Variants in AKAP1 observed in about 807,000 individuals in gnomAD.
AKAP1 encodes the protein A-kinase anchoring protein 1.
Under a neutral mutation model 79.8 loss-of-function variants are expected in AKAP1, and 32 were observed. The ratio of observed to expected loss-of-function variants is 0.40; its 90% CI spans 0.30 to 0.54. The LOEUF (loss-of-function observed/expected upper bound fraction) is 0.54. Ranked by LOEUF, AKAP1 falls within the 20% of genes least tolerant of loss-of-function variation. AKAP1 has a pLI of 0.47. For synonymous variants in AKAP1, 416 were observed against 466.7 expected (o/e 0.89, Z 1.40); for missense variants, 961 against 1,138.9 (o/e 0.84, Z 2.25).
rs780885714 is a variant in AKAP1, at chr17:57,105,953, G to A, written c.489G>A (p.Glu163=). Reference sequence around the variant, plus strand: ...TACTATTCTCCAGCAAATCAGCTGAGGTGTGTAAGCAAGATTCCCCCTTCA... The same window carrying A: ...TACTATTCTCCAGCAAATCAGCTGAAGTGTGTAAGCAAGATTCCCCCTTCA... ...KGVLFSSKSA[E]VCKQDSPFSR... The change falls in exon 2 of 11, where the codon GAG becomes GAA. Residue 163 remains glutamate, a synonymous_variant. Transcript: ENST00000337714. 4.3e-6 allele frequency: 7 copies of A among 1,614,228 alleles called. No homozygotes were observed. The Admixed American group carries it at 8.3e-5, about 19-fold the overall frequency.
chr17:57,107,391 T>C (rs951287333), intron 2 of AKAP1, among the ~76,000 whole-genome samples: 6 of 152,210 alleles, frequency 3.9e-5, no homozygotes, highest in Admixed American at 3.9e-4. Flanking sequence ...ATGGGAGCTG[T>C]AACTTGGTTC....
At chr17:57,120,188 T>A in intron 10 of AKAP1, 62 bp from the exon 11 acceptor site, 1 of 1,518,942 alleles carries the variant, frequency 6.6e-7, no homozygotes, top group Admixed American at 1.9e-5. Flanking sequence ...GAACTCATGT[T>A]GGCTAGGGAG....
intron 1 of AKAP1, chr17:57,092,120 A>G (rs3826296): frequency 0.31 from 47,206 of 152,146 alleles, 9,220 homozygotes; most frequent in Admixed American, 0.41. Flanking sequence ...AAATGCAAAC[A>G]TGAAAGGAGG....
intron 2 of AKAP1, 97 bp downstream of exon 2, chr17:57,107,275 C>A: frequency 6.7e-7 from 1 of 1,487,998 alleles, no homozygotes; most frequent in Non-Finnish European, 9.0e-7. Flanking sequence ...ACTTGTGCAG[C>A]AAAGTCATAG....
intron 8 of AKAP1, among the ~76,000 whole-genome samples, chr17:57,117,906 C>A (rs1488367304): frequency 1.3e-5 from 2 of 152,190 alleles, no homozygotes; most frequent in Non-Finnish European, 2.9e-5. Context: ...CCTTATTGGG[C>A]TGTGTGGCCA....
At position 57,092,792 on chromosome 17, in the gene AKAP1, G is replaced by A. The variant is rs562076422; in HGVS notation, c.-25+7394G>A. The A allele has an allele frequency of 1.1e-4, 17 of 152,310 alleles. 1 individual carries two copies. Among genetic ancestry groups the A allele is most frequent in the African/African-American group, 3.9e-4 (16 of 41,550 alleles). 9.4% of individuals were successfully genotyped at this position (152,310 alleles called of 1,614,324 possible). A position where few individuals can be genotyped will look rare whatever the true frequency, so the allele number is the denominator to read the frequency against. Reference sequence around the variant, plus strand: ...GGACCGTGTCCCTTGGGGTTCTTGCGAGTCCGACTGGCCTTCCGCGCAGTG... The same window carrying A: ...GGACCGTGTCCCTTGGGGTTCTTGCAAGTCCGACTGGCCTTCCGCGCAGTG... On this transcript the variant is annotated intron_variant, in intron 1 of 10. Transcript: ENST00000337714.
chr17:57,118,384 A>G lies in AKAP1; in HGVS notation c.2504A>G (p.Asp835Gly). The G allele has an allele frequency of 6.2e-7, 1 of 1,613,882 alleles. No individual in the cohort carries two copies. Among genetic ancestry groups the G allele is most frequent in the Middle Eastern group, 1.6e-4 (1 of 6,062 alleles). ...LLDSVMPLSD[D>G]DQFSPEADAA... ...GCTTTTCCTTTTCCTCCTGAAGACG[A>G]TGACCAGTTTTCACCGGAAGCAGAT... The change falls in exon 9 of 11, where the codon GAT (aspartate) becomes GGT (glycine). Residue 835 changes from aspartate (D) to glycine (G), a missense_variant. Physicochemically the swap from Asp to Gly is moderately conservative, Grantham distance 94. Around this residue, in one of 3 missense-constraint regions of AKAP1, gnomAD observed 629 missense variants for 781.1 expected, o/e 0.81. Transcript: ENST00000337714.
intron 1 of AKAP1, among the ~76,000 whole-genome samples, chr17:57,090,462 G>A (rs1029751258): frequency 1.3e-5 from 2 of 149,830 alleles, no homozygotes; most frequent in Non-Finnish European, 3.0e-5. Flanking sequence ...CTGGGCTGGG[G>A]CGTGCTCCCC....
At position 57,116,088 on chromosome 17, in the gene AKAP1, G is replaced by A. The variant is rs560345208; in HGVS notation, c.2282-23G>A. ...CCCTGCCCTGGCCCAGGCGTTCCAC[G>A]CACTCTGCTCCCTACCCTGCAGTAA... On this transcript the variant is annotated intron_variant, in intron 6 of 10. Transcript: ENST00000337714. 45 of 1,607,414 alleles carry A rather than the reference G, an allele frequency of 2.8e-5. No homozygotes were observed. In the East Asian group the frequency reaches 3.6e-4, roughly 13 times the overall value.
chr17:57,089,213 G>A (rs1175630883), intron 1 of AKAP1, among the ~76,000 whole-genome samples: 1 of 152,210 alleles, frequency 6.6e-6, no homozygotes, highest in East Asian at 1.9e-4. Flanking sequence ...GTGCCCAGGG[G>A]CCACTGGAGT....
chr17:57,110,803 G>A (rs1157329560), intron 3 of AKAP1, among the ~76,000 whole-genome samples: 2 of 152,228 alleles, frequency 1.3e-5, no homozygotes, highest in Non-Finnish European at 2.9e-5. Context: ...GTGGATGTCA[G>A]TTTACTTCAT....
Position 57,086,332 on chromosome 17 carries a change from CTT to C in AKAP1, c.-25+937_-25+938del, listed in dbSNP as rs1913452335. The C allele has an allele frequency of 2.3e-6, 1 of 433,714 alleles. No homozygotes were observed. The highest frequency in any genetic ancestry group is 1.6e-5 in the South Asian group (1 of 61,980). The allele number at this position is 433,714 out of a possible 1,614,324, so 26.9% of individuals were successfully genotyped here. On this transcript the variant is annotated intron_variant, in intron 1 of 10. Transcript: ENST00000337714. This position sits in a 1 kb window ranked among gnomAD's most constrained non-coding sequence, Gnocchi z 5.1. The stretch of plus-strand genomic sequence containing the variant: ...AACGCGGGCTTTCTGGCGTTCAACT[CTT>C]TTGTGCCCTAGCTGAAGGTCTTCCT...
chr17:57,110,482 TG>T (rs1215685303), intron 3 of AKAP1, among the ~76,000 whole-genome samples: 1 of 152,092 alleles, frequency 6.6e-6, no homozygotes, highest in Non-Finnish European at 1.5e-5. Flanking sequence ...ACCAAGGCCG[TG>T]GGGGCCAGCC....
intron 1 of AKAP1, among the ~76,000 whole-genome samples, chr17:57,088,249 C>G (rs1208812549): frequency 6.6e-6 from 1 of 152,174 alleles, no homozygotes; most frequent in South Asian, 2.1e-4. Context: ...AAGTTCCCAT[C>G]ACATGTGGCA....
At chr17:57,119,830 CTT>C (rs3054874) in intron 10 of AKAP1, among the ~76,000 whole-genome samples, 778 of 70,316 alleles carry the variant, frequency 0.011, 48 homozygotes, top group African/African-American at 0.046. Flanking sequence ...CCCTGTTACT[CTT>C]TTTTTTTTTT....
In AKAP1 at chr17:57,106,236, C is replaced by CAGG. The variant is rs1236237882; in HGVS notation, c.777_779dup (p.Glu261dup). 1 of 1,614,012 alleles carries CAGG rather than the reference C, an allele frequency of 6.2e-7. No individual in the cohort carries two copies. The highest frequency in any genetic ancestry group is 2.2e-5 in the East Asian group (1 of 44,884). On this transcript the variant is annotated inframe_insertion, in exon 2 of 11. Transcript: ENST00000337714. ...CTCATCCCAGGTGGTGGGGCCAGTG[C>CAGG]AGGAGGAAGAGTATGTAGCAGAGAA...
chr17:57,106,341 G>C lies in AKAP1; in HGVS notation c.877G>C (p.Ala293Pro). ...DAAPAPPVADAKAQDRGVEGE... is the reference protein window; with the variant it reads ...DAAPAPPVADPKAQDRGVEGE... Reference sequence around the variant, plus strand: ...GGCGCCAGCACCCCCAGTCGCAGACGCCAAAGCCCAGGATAGAGGTGTCGA... The same window carrying C: ...GGCGCCAGCACCCCCAGTCGCAGACCCCAAAGCCCAGGATAGAGGTGTCGA... Residue 293 changes from alanine to proline, a missense_variant, in exon 2 of 11, where the codon GCC (alanine) becomes CCC (proline). Around this residue, in one of 3 missense-constraint regions of AKAP1, gnomAD observed 629 missense variants for 781.1 expected, o/e 0.81. Transcript: ENST00000337714. 6.2e-7 allele frequency: 1 copy of C among 1,614,082 alleles called. No homozygotes were observed. Among genetic ancestry groups the C allele is most frequent in the Non-Finnish European group, 8.5e-7 (1 of 1,180,012 alleles).
chr17:57,112,744 C>T, intron 5 of AKAP1, 126 bp downstream of exon 5: 2 of 1,324,976 alleles, frequency 1.5e-6, no homozygotes, highest in Non-Finnish European at 2.0e-6. Context: ...CCTCTCTTCT[C>T]TGGCCTCTGC....
chr17:57,106,517 A>G lies in AKAP1; in HGVS notation c.1053A>G (p.Ile351Met). ...NEEIKRAAFQ[I>M]ISQVISEATE... ...AGATTAAGCGGGCTGCCTTCCAGAT[A>G]ATCTCCCAAGTGATCTCAGAAGCAA... Residue 351 changes from isoleucine to methionine, a missense_variant, in exon 2 of 11, where the codon ATA (isoleucine) becomes ATG (methionine). Around this residue, in one of 3 missense-constraint regions of AKAP1, gnomAD observed 629 missense variants for 781.1 expected, o/e 0.81. Transcript: ENST00000337714. 6.2e-7 allele frequency: 1 copy of G among 1,614,122 alleles called. No homozygotes were observed. Among genetic ancestry groups the G allele is most frequent in the Non-Finnish European group, 8.5e-7 (1 of 1,180,016 alleles).
Sources: allele counts gnomAD v4.1 joint callset (sites outside exome capture counted in the v4.1 genomes callset), GRCh38; gene constraint gnomAD v4.1.1; regional missense constraint gnomAD v4.1.1; non-coding constraint Gnocchi (gnomAD v3.1); transcripts MANE v1.5; gene names NCBI Gene and HGNC (gene_info 2026-07-23, HGNC 2026-07-21).